The following SPIN1 variants were observed in gnomAD, a reference collection of about 807,000 sequenced individuals.
The protein encoded by SPIN1 is spindlin 1, also known as spindlin-1.
A neutral mutation model predicts 26.0 loss-of-function variants in SPIN1; 3 were observed. The ratio of observed to expected loss-of-function variants is 0.12; its 90% CI spans 0.05 to 0.30. The LOEUF (loss-of-function observed/expected upper bound fraction) is 0.30, where lower values mean the gene tolerates loss of function less well. Ranked by LOEUF, SPIN1 falls within the 10% of genes least tolerant of loss-of-function variation. The probability of loss-of-function intolerance (pLI) is 1.00; values close to 1 mark genes in which losing one functional copy is unlikely to be tolerated. For synonymous variants in SPIN1, 101 were observed against 116.5 expected (o/e 0.87, Z 0.86); for missense variants, 126 against 333.4 (o/e 0.38, Z 4.84).
chr9:88,394,806 G>A (rs1428342042), intron 1 of SPIN1, among the ~76,000 whole-genome samples: 3 of 128,828 alleles, frequency 2.3e-5, no homozygotes, highest in Admixed American at 7.7e-5. Context: ...TTTATTTAAT[G>A]TATTTTTTTT....
chr9:88,449,114 T>C (rs1243911472), intron 3 of SPIN1, 125 bp downstream of exon 3: 8 of 827,964 alleles, frequency 9.7e-6, no homozygotes, highest in Non-Finnish European at 4.0e-6. Context: ...GGAGATGTAG[T>C]GTGCGATGAG....
At chr9:88,419,157 C>T (rs75683083) in intron 1 of SPIN1, among the ~76,000 whole-genome samples, 4,007 of 152,234 alleles carry the variant, frequency 0.026, 177 homozygotes, top group African/African-American at 0.092. Flanking sequence ...AAATTAACTT[C>T]CTCTTAAAGC....
At chr9:88,449,887 A>G (rs936763399) in intron 3 of SPIN1, among the ~76,000 whole-genome samples, 32 of 152,306 alleles carry the variant, frequency 2.1e-4, no homozygotes, top group Admixed American at 1.7e-3. Flanking sequence ...TAGCCACCAC[A>G]CTGTAATAGC....
chr9:88,426,609 A>G lies in SPIN1; in HGVS notation c.52+18A>G. The G allele has an allele frequency of 1.9e-6, 3 of 1,604,762 alleles. No individual in the cohort carries two copies. The highest frequency in any genetic ancestry group is 1.1e-5 in the South Asian group (1 of 89,816). On this transcript the variant is annotated intron_variant, in intron 2 of 5. Coordinates refer to ENST00000375859, the MANE Select transcript of SPIN1 (RefSeq NM_006717.3). ...TGATGCAGGTAGGCATTGCGGTTCTACACATATTTAAATATATACTTTAAT... is the reference window on the plus strand; with the variant it reads ...TGATGCAGGTAGGCATTGCGGTTCTGCACATATTTAAATATATACTTTAAT...
chr9:88,395,860 A>G (rs1384588208), intron 1 of SPIN1, among the ~76,000 whole-genome samples: 1 of 151,828 alleles, frequency 6.6e-6, no homozygotes, highest in South Asian at 2.1e-4. Flanking sequence ...CAGCCTGACC[A>G]ACGTGGTGAA....
At chr9:88,390,249 G>A (rs1157563014) in intron 1 of SPIN1, among the ~76,000 whole-genome samples, 1 of 152,190 alleles carries the variant, frequency 6.6e-6, no homozygotes, top group African/African-American at 2.4e-5. Flanking sequence ...GATGCCATAT[G>A]TTGGTCATTG....
chr9:88,432,166 C>T (rs1478254781), intron 2 of SPIN1, among the ~76,000 whole-genome samples: 1 of 149,092 alleles, frequency 6.7e-6, no homozygotes, highest in South Asian at 2.1e-4. Flanking sequence ...ATCACCCTCC[C>T]CTGTGCCCGT....
intron 1 of SPIN1, among the ~76,000 whole-genome samples, chr9:88,400,213 A>T (rs997437248): frequency 6.6e-6 from 1 of 152,174 alleles, no homozygotes; most frequent in Non-Finnish European, 1.5e-5. Flanking sequence ...CAGGCCCCAG[A>T]GAGTGAGGTG....
At chr9:88,416,928 T>A (rs993555802) in intron 1 of SPIN1, among the ~76,000 whole-genome samples, 2 of 152,220 alleles carry the variant, frequency 1.3e-5, no homozygotes, top group African/African-American at 4.8e-5. Flanking sequence ...CAGCCTTGAA[T>A]GAAATTTTCT....
intron 5 of SPIN1, among the ~76,000 whole-genome samples, chr9:88,474,571 C>T (rs757602030): frequency 7.9e-5 from 12 of 152,136 alleles, no homozygotes; most frequent in South Asian, 2.1e-4. Flanking sequence ...CAGAGTAAAA[C>T]CAATGGTACT....
intron 1 of SPIN1, among the ~76,000 whole-genome samples, chr9:88,413,812 A>G (rs2117971486): frequency 1.3e-5 from 2 of 152,270 alleles, no homozygotes; most frequent in East Asian, 3.9e-4. Flanking sequence ...AGCATTGTGG[A>G]TGTATGATTT....
At chr9:88,395,177 G>A (rs1201027775) in intron 1 of SPIN1, among the ~76,000 whole-genome samples, 1 of 152,030 alleles carries the variant, frequency 6.6e-6, no homozygotes, top group Non-Finnish European at 1.5e-5. Flanking sequence ...TCTGATCTGT[G>A]TTAAAAAGTT....
At position 88,478,444 on chromosome 9, in the gene SPIN1, A is replaced by C. The variant is rs550192711; in HGVS notation, c.*3167A>C. On this transcript the variant is annotated 3_prime_UTR_variant, in exon 6 of 6. Coordinates refer to ENST00000375859, the MANE Select transcript of SPIN1 (RefSeq NM_006717.3). ...CTTTGTGTTTTTCCATCATTAGTGC[A>C]GTTGGAATGAATGTGTATAGGTCAG... 1 of 152,672 alleles carries C rather than the reference A, an allele frequency of 6.5e-6. No individual in the cohort carries two copies. Among genetic ancestry groups the C allele is most frequent in the African/African-American group, 2.4e-5 (1 of 41,472 alleles). The allele number at this position is 152,672 out of a possible 1,614,324, so 9.5% of individuals were successfully genotyped here.
At chr9:88,472,132 T>C (rs1451260084) in intron 5 of SPIN1, among the ~76,000 whole-genome samples, 5 of 152,158 alleles carry the variant, frequency 3.3e-5, no homozygotes. Flanking sequence ...TTTTGACTAT[T>C]CTGGGTCCCT....
In SPIN1 at chr9:88,462,557, G is replaced by A; in HGVS notation, c.163G>A (p.Gly55Ser). ...TTCCCAGCCCCGGCGGAACATCGTA[G>A]GCTGCAGGATTCAGCATGGGTGGAA... ...PVSQPRRNIV[G>S]CRIQHGWKEG... The change falls in exon 4 of 6, where the codon GGC (glycine) becomes AGC (serine). Residue 55 changes from glycine (G) to serine (S), a missense_variant. Physicochemically the swap from Gly to Ser is moderately conservative, Grantham distance 56. Transcript: ENST00000375859. The A allele has an allele frequency of 6.2e-7, 1 of 1,614,144 alleles. No individual in the cohort carries two copies. The highest frequency in any genetic ancestry group is 8.5e-7 in the Non-Finnish European group (1 of 1,180,022).
intron 2 of SPIN1, among the ~76,000 whole-genome samples, chr9:88,435,677 G>GT (rs1394153635): frequency 6.6e-6 from 1 of 152,010 alleles, no homozygotes; most frequent in African/African-American, 2.4e-5. Context: ...CTTGCATAAG[G>GT]TTTTTTTACA....
intron 1 of SPIN1, among the ~76,000 whole-genome samples, chr9:88,417,078 C>T (rs1393000224): frequency 1.3e-5 from 2 of 152,222 alleles, no homozygotes; most frequent in South Asian, 2.1e-4. Context: ...GACATCATGA[C>T]ACTTGTTAAA....
intron 4 of SPIN1, among the ~76,000 whole-genome samples, chr9:88,465,480 G>C (rs529287573): frequency 6.6e-6 from 1 of 152,214 alleles, no homozygotes; most frequent in East Asian, 1.9e-4. Context: ...TTTTGTCATA[G>C]TGGTCATCCT....
At chr9:88,441,414 T>TGCGC (rs1554695424) in intron 2 of SPIN1, among the ~76,000 whole-genome samples, 17 of 141,140 alleles carry the variant, frequency 1.2e-4, no homozygotes, top group East Asian at 4.0e-4. Flanking sequence ...TGTGTGTGTG[T>TGCGC]GCGCGCGCGC....
Sources: allele counts gnomAD v4.1 joint callset (sites outside exome capture counted in the v4.1 genomes callset), GRCh38; gene constraint gnomAD v4.1.1; transcripts MANE v1.5; gene names NCBI Gene and HGNC (gene_info 2026-07-23, HGNC 2026-07-21).